CCDC191: variants seen among roughly 807,000 people sequenced by gnomAD.
The protein encoded by CCDC191 is coiled-coil domain-containing protein 191.
In CCDC191, 99 loss-of-function variants were observed where a neutral mutation model predicts 114.0. The observed-to-expected ratio is 0.87, with a 90% CI of 0.74 to 1.03. The LOEUF is 1.03. Among genes scored for constraint, CCDC191 ranks in the 50% least tolerant of loss-of-function variants. The pLI is 0.00. For synonymous variants in CCDC191, 351 were observed against 376.0 expected (o/e 0.93, Z 0.77); for missense variants, 973 against 1,087.0 (o/e 0.90, Z 1.47).
chr3:113,992,269 A>G (rs2075593334), intron 13 of CCDC191, among the ~76,000 whole-genome samples: 1 of 152,148 alleles, frequency 6.6e-6, no homozygotes, highest in Admixed American at 6.5e-5. Context: ...CACGGAGGAA[A>G]GTGAGAGGAG....
intron 13 of CCDC191, among the ~76,000 whole-genome samples, chr3:113,997,123 T>C (rs2075742790): frequency 6.6e-6 from 1 of 152,290 alleles, no homozygotes; most frequent in East Asian, 1.9e-4. Context: ...GGGTAATCAG[T>C]TCTGAAACTG....
At chr3:114,000,990 C>T (rs2075845083) in intron 13 of CCDC191, among the ~76,000 whole-genome samples, 1 of 152,080 alleles carries the variant, frequency 6.6e-6, no homozygotes, top group African/African-American at 2.4e-5. Context: ...CACATGATGT[C>T]AAATACTCTA....
rs369945782 is a variant in CCDC191 at position 114,046,646 on chromosome 3, G to T, written c.216C>A (p.Ile72=). ...TTTGCTCAGATGTTTTCAAATCTGT[G>T]ATTTGGCCCCAGGGACTTCTAGGTA... ...SDLPRSPWGQ[I]TDLKTSEQIE... is the part of the protein sequence containing the mutation. Residue 72 remains isoleucine (I), a synonymous_variant, in exon 3 of 17, where the codon ATC becomes ATA. Coordinates refer to ENST00000295878, the MANE Select transcript of CCDC191 (RefSeq NM_020817.2). 1.2e-6 allele frequency: 2 copies of T among 1,611,972 alleles called. No homozygotes were observed. Among genetic ancestry groups the T allele is most frequent in the Admixed American group, 3.3e-5 (2 of 59,964 alleles).
At chr3:113,987,245 C>A (rs1022281828) in intron 13 of CCDC191, among the ~76,000 whole-genome samples, 1 of 151,060 alleles carries the variant, frequency 6.6e-6, no homozygotes, top group Admixed American at 6.6e-5. Context: ...AATTCACTGC[C>A]AGCAGATCTA....
chr3:114,038,653 G>A (rs1451555859), intron 4 of CCDC191, among the ~76,000 whole-genome samples: 1 of 152,026 alleles, frequency 6.6e-6, no homozygotes, highest in African/African-American at 2.4e-5. Flanking sequence ...GGTATAGCTG[G>A]GCCAAATGGT....
intron 8 of CCDC191, among the ~76,000 whole-genome samples, chr3:114,014,455 A>C (rs1349305947): frequency 6.6e-6 from 1 of 152,156 alleles, no homozygotes; most frequent in Non-Finnish European, 1.5e-5. Flanking sequence ...CACTCCGTAA[A>C]TGATTTCCAA....
intron 2 of CCDC191, among the ~76,000 whole-genome samples, chr3:114,052,651 C>G (rs1577486202): frequency 6.6e-6 from 1 of 152,140 alleles, no homozygotes; most frequent in Non-Finnish European, 1.5e-5. Flanking sequence ...GACTGTAAAC[C>G]CTGGGAGGGC....
intron 6 of CCDC191, among the ~76,000 whole-genome samples, chr3:114,034,365 G>GC (rs890764952): frequency 1.5e-4 from 23 of 152,136 alleles, no homozygotes; most frequent in African/African-American, 5.5e-4. Flanking sequence ...TGATAAACTG[G>GC]CCTGCTGCTG....
intron 13 of CCDC191, among the ~76,000 whole-genome samples, chr3:113,986,760 A>C (rs2075373333): frequency 6.6e-6 from 1 of 152,158 alleles, no homozygotes; most frequent in African/African-American, 2.4e-5. Context: ...TGTCCTTATA[A>C]GAAGCGATAC....
At chr3:114,006,615 T>TATATATATATATATATATATATAA (rs1371654689) in intron 9 of CCDC191, among the ~76,000 whole-genome samples, 102 of 84,656 alleles carry the variant, frequency 1.2e-3, no homozygotes, top group Non-Finnish European at 2.5e-3. Flanking sequence ...TATATATATA[T>TATATATATATATATATATATATAA]ATAAATATAT....
At chr3:114,042,319 T>C (rs2076573626) in intron 4 of CCDC191, among the ~76,000 whole-genome samples, 2 of 152,196 alleles carry the variant, frequency 1.3e-5, no homozygotes, top group South Asian at 2.1e-4. Context: ...AAATACAGTA[T>C]AACAACTATT....
intron 9 of CCDC191, among the ~76,000 whole-genome samples, chr3:114,007,568 T>C (rs1278265545): frequency 6.6e-6 from 1 of 152,184 alleles, no homozygotes; most frequent in East Asian, 1.9e-4. Flanking sequence ...GACACCTTAT[T>C]AACCTAGCAA....
intron 7 of CCDC191, among the ~76,000 whole-genome samples, chr3:114,020,342 A>G (rs1209903356): frequency 2.0e-5 from 3 of 152,168 alleles, no homozygotes; most frequent in Non-Finnish European, 4.4e-5. Flanking sequence ...TTGGCCAGAA[A>G]TGTTTTCCAA....
chr3:114,026,844 G>A (rs1168939545), intron 7 of CCDC191, among the ~76,000 whole-genome samples: 2 of 152,080 alleles, frequency 1.3e-5, no homozygotes, highest in African/African-American at 4.8e-5. Context: ...AACCAAATAA[G>A]CAAACTAAAA....
Position 114,036,727 on chromosome 3 carries a change from G to A in CCDC191, c.475C>T (p.His159Tyr). 1 of 1,591,510 alleles carries A rather than the reference G, an allele frequency of 6.3e-7. No homozygotes were observed. Among genetic ancestry groups the A allele is most frequent in the Non-Finnish European group, 8.6e-7 (1 of 1,167,622 alleles). Residue 159 changes from histidine to tyrosine, a missense_variant, in exon 5 of 17, where the codon CAT (histidine) becomes TAT (tyrosine). Physicochemically the swap from His to Tyr is moderately conservative, Grantham distance 83. Coordinates refer to ENST00000295878, the MANE Select transcript of CCDC191 (RefSeq NM_020817.2). The stretch of plus-strand genomic sequence containing the variant: ...TCTACCACATTTTTATGGAGCAGAT[G>A]GTCTATAAATTTTTGAACGGTGGTA... ...ESTTVQKFID[H>Y]LLHKNVVDSA...
At chr3:114,040,077 C>T (rs1192996754) in intron 4 of CCDC191, among the ~76,000 whole-genome samples, 1 of 152,070 alleles carries the variant, frequency 6.6e-6, no homozygotes, top group African/African-American at 2.4e-5. Flanking sequence ...CATTTTTTAC[C>T]CTTTATATAC....
Position 114,047,107 on chromosome 3 carries a change from T to C in CCDC191, c.130-375A>G, listed in dbSNP as rs1009061366. The stretch of plus-strand genomic sequence containing the variant: ...TTTTCATGCCCTTAGGACTTGCATA[T>C]GAATATGAACCAGAGGTAGAGTAAC... On this transcript the variant is annotated intron_variant, in intron 2 of 16. Coordinates refer to ENST00000295878, the MANE Select transcript of CCDC191 (RefSeq NM_020817.2). 8 of 982,506 alleles carry C rather than the reference T, an allele frequency of 8.1e-6. No individual in the cohort carries two copies. The South Asian group carries it at 2.8e-4, about 35-fold the overall frequency. The allele number at this position is 982,506 out of a possible 1,614,324, so 60.9% of individuals were successfully genotyped here. A position where few individuals can be genotyped will look rare whatever the true frequency, so the allele number is the denominator to read the frequency against.
chr3:114,014,069 C>T (rs1319128861), intron 8 of CCDC191, among the ~76,000 whole-genome samples: 2 of 151,948 alleles, frequency 1.3e-5, no homozygotes, highest in Non-Finnish European at 2.9e-5. Context: ...GTGTCTTGAA[C>T]GTTTTAAAAG....
intron 1 of CCDC191, 34 bp downstream of exon 1, chr3:114,056,343 G>C (rs201393176): frequency 5.6e-6 from 9 of 1,607,070 alleles, no homozygotes; most frequent in Non-Finnish European, 7.7e-6. Flanking sequence ...CCTTGGGAAA[G>C]TCCCCGCCCT....
Sources: gnomAD v4.1 joint callset for allele counts (sites outside exome capture counted in the v4.1 genomes callset) on GRCh38, gnomAD v4.1.1 for gene constraint, MANE v1.5 for transcripts, NCBI Gene and HGNC (gene_info 2026-07-23, HGNC 2026-07-21) for gene names.